Variants in ANKRD24 observed in about 807,000 individuals in gnomAD.
The protein encoded by ANKRD24 is ankyrin repeat domain-containing protein 24.
ANKRD24 carries 109 observed loss-of-function variants against 127.8 expected under a neutral mutation model. That is an observed-to-expected ratio of 0.85 (90% CI 0.73 to 1.00). ANKRD24 has a LOEUF of 1.00. Among genes scored for constraint, ANKRD24 ranks in the 50% least tolerant of loss-of-function variants. ANKRD24 has a pLI of 0.00. For missense variants in ANKRD24, 1,648 were observed against 1,570.2 expected (o/e 1.05, Z -0.84); for synonymous variants, 743 against 671.1 (o/e 1.11, Z -1.66).
Position 4,208,761 on chromosome 19 carries a change from C to T in ANKRD24, c.833-3C>T, listed in dbSNP as rs1483878032. 6.2e-7 allele frequency: 1 copy of T among 1,612,750 alleles called. No homozygotes were observed. The highest frequency in any genetic ancestry group is 8.5e-7 in the Non-Finnish European group (1 of 1,179,420). ...GCCTGACCCTGCTTCCCTCTCTCCC[C>T]AGCCCTCACAGAGGATGATTCAGGC... is the stretch of plus-strand genomic sequence containing the variant. On this transcript the variant is annotated splice_polypyrimidine_tract_variant and splice_region_variant and intron_variant, in intron 10 of 21. Coordinates refer to ENST00000318934, the MANE Select transcript of ANKRD24 (RefSeq NM_001393985.1).
At chr19:4,223,388 TATA>T (rs1970553244) in intron 20 of ANKRD24, among the ~76,000 whole-genome samples, 10 of 86,310 alleles carry the variant, frequency 1.2e-4, no homozygotes, top group African/African-American at 4.6e-4. Flanking sequence ...TATATATATA[TATA>T]TATATATATA....
At position 4,212,580 on chromosome 19, in the gene ANKRD24, G is replaced by C; in HGVS notation, c.1099-20G>C. On this transcript the variant is annotated intron_variant, in intron 14 of 21. Transcript: ENST00000318934. ...AGCCTTTCCTCCCAGAGGCAGCTGA[G>C]CCTCCACTGCTGCTCCCAGGTGCAA... is the stretch of plus-strand genomic sequence containing the variant. The C allele has an allele frequency of 6.5e-7, 1 of 1,549,370 alleles. No homozygotes were observed. The highest frequency in any genetic ancestry group is 1.2e-5 in the South Asian group (1 of 83,878).
In ANKRD24 at chr19:4,217,655, T is replaced by TGCGGGCCGAGCTGGCCCA. The variant is rs953615150; in HGVS notation, c.2501_2518dup (p.Ala834_Arg839dup). The TGCGGGCCGAGCTGGCCCA allele has an allele frequency of 4.1e-5, 53 of 1,282,466 alleles. No individual in the cohort carries two copies. Among genetic ancestry groups the TGCGGGCCGAGCTGGCCCA allele is most frequent in the Non-Finnish European group, 4.9e-5 (50 of 1,018,364 alleles). 79.4% of individuals were successfully genotyped at this position (1,282,466 alleles called of 1,614,324 possible). ...CTGGCGGAGGAGGAGGCGCGGGGCC[T>TGCGGGCCGAGCTGGCCCA]GCGGGCCGAGCTGGCCCAGCGGGAG... is the stretch of plus-strand genomic sequence containing the variant. On this transcript the variant is annotated inframe_insertion, in exon 18 of 22. Transcript: ENST00000318934.
chr19:4,210,569 TC>T (rs1969666588), intron 13 of ANKRD24, among the ~76,000 whole-genome samples, 197 bp downstream of exon 13: 1 of 107,516 alleles, frequency 9.3e-6, no homozygotes, highest in Non-Finnish European at 2.2e-5. Context: ...ACCACCAGTG[TC>T]CTCTGCCTGG....
rs58333777 is a variant in ANKRD24, at chr19:4,217,590, G to A, written c.2430G>A (p.Ala810=). ...ACTCCCGCCTGCGGGAGCTGGAGGC[G>A]GCCTCGGCCTGCCTGGATGAGGCTC... ...DRDSRLRELE[A]ASACLDEARA... The change falls in exon 18 of 22, where the codon GCG becomes GCA. Residue 810 remains alanine (A), a synonymous_variant. Coordinates refer to ENST00000318934, the MANE Select transcript of ANKRD24 (RefSeq NM_001393985.1). 0.41 allele frequency: 531,390 copies of A among 1,305,096 alleles called. 111,186 individuals carry two copies. The highest frequency in any genetic ancestry group is 0.48 in the East Asian group (14,577 of 30,418). 80.8% of individuals were successfully genotyped at this position (1,305,096 alleles called of 1,614,324 possible).
chr19:4,189,995 C>T (rs529478900), intron 2 of ANKRD24, among the ~76,000 whole-genome samples: 1 of 152,098 alleles, frequency 6.6e-6, no homozygotes, highest in Non-Finnish European at 1.5e-5. Context: ...AGGTGAAAAA[C>T]GGTCCATTAA....
chr19:4,194,989 A>T (rs1249123007), intron 2 of ANKRD24, among the ~76,000 whole-genome samples: 1 of 152,002 alleles, frequency 6.6e-6, no homozygotes. Flanking sequence ...TTTTTTTCAG[A>T]TGGAGTCTCG....
Position 4,198,028 on chromosome 19 carries a change from C to T in ANKRD24, c.37-1655C>T. 1 of 409,650 alleles carries T rather than the reference C, an allele frequency of 2.4e-6. No homozygotes were observed. 25.4% of individuals were successfully genotyped at this position (409,650 alleles called of 1,614,324 possible). A position where few individuals can be genotyped will look rare whatever the true frequency, so the allele number is the denominator to read the frequency against. ...GAATGAAAGTGTGAGTGGCGAGAGC[C>T]CTGCCGGCCGCGTGGAGGTGCGAGG... On this transcript the variant is annotated intron_variant, in intron 2 of 21. Transcript: ENST00000318934. The surrounding 1 kb of genome is among the most constrained non-coding windows in gnomAD (Gnocchi z 6.1).
In ANKRD24 at chr19:4,198,407, G is replaced by T. The variant is rs1171399498; in HGVS notation, c.37-1276G>T. ...CGGCAGCGCCCAGCCCCGCCCTCCG[G>T]CCGCTCCCCGCGGTCCCTCCAGACC... On this transcript the variant is annotated intron_variant, in intron 2 of 21. Transcript: ENST00000318934. This position sits in a 1 kb window ranked among gnomAD's most constrained non-coding sequence, Gnocchi z 6.1. The T allele has an allele frequency of 2.1e-6, 1 of 471,880 alleles. No individual in the cohort carries two copies. Among genetic ancestry groups the T allele is most frequent in the South Asian group, 3.7e-5 (1 of 27,326 alleles). The allele number at this position is 471,880 out of a possible 1,614,324, so 29.2% of individuals were successfully genotyped here.
rs1275693020 is a variant in ANKRD24 at position 4,207,795 on chromosome 19, T to C, written c.659T>C (p.Leu220Pro). ...QDLQGRTALMLACEGASPETV... is the reference protein window; with the variant it reads ...QDLQGRTALMPACEGASPETV... ...TCCCCTGGTAGGACGGCCCTGATGC[T>C]GGCCTGTGAGGGGGCCAGCCCCGAA... The change falls in exon 10 of 22, where the codon CTG becomes CCG. Residue 220 changes from leucine (L) to proline (P), a missense_variant. Coordinates refer to ENST00000318934, the MANE Select transcript of ANKRD24 (RefSeq NM_001393985.1). 6.4e-7 allele frequency: 1 copy of C among 1,572,774 alleles called. No individual in the cohort carries two copies. Among genetic ancestry groups the C allele is most frequent in the South Asian group, 1.2e-5 (1 of 86,564 alleles).
At position 4,195,400 on chromosome 19, in the gene ANKRD24, A is replaced by G. The variant is rs974037557; in HGVS notation, c.37-4283A>G. On this transcript the variant is annotated intron_variant, in intron 2 of 21. Transcript: ENST00000318934. This position sits in a 1 kb window ranked among gnomAD's most constrained non-coding sequence, Gnocchi z 4.2. ...TTTGCTCTGATCTTGTATGGCATCC[A>G]GGAGGACAAGTGTAGGAGACAGTTG... 2.0e-5 allele frequency among the ~76,000 whole-genome samples: 3 copies of G among 152,038 alleles called. No homozygotes were observed. Among genetic ancestry groups the G allele is most frequent in the Non-Finnish European group, 4.4e-5 (3 of 68,010 alleles).
intron 2 of ANKRD24, among the ~76,000 whole-genome samples, chr19:4,190,636 G>A (rs899613370): frequency 2.0e-5 from 3 of 152,048 alleles, no homozygotes; most frequent in Admixed American, 6.6e-5. Context: ...AGGAGGCTGA[G>A]GAAGGAAAAT....
chr19:4,219,855 A>G, intron 19 of ANKRD24, 97 bp downstream of exon 19: 1 of 1,347,466 alleles, frequency 7.4e-7, no homozygotes, highest in Non-Finnish European at 9.8e-7. Context: ...GCCTTGGAAA[A>G]TCAACCCATT....
At chr19:4,192,788 T>C (rs1368444049) in intron 2 of ANKRD24, among the ~76,000 whole-genome samples, 1 of 148,726 alleles carries the variant, frequency 6.7e-6, no homozygotes, top group Non-Finnish European at 1.5e-5. Context: ...CAAAAATTAG[T>C]TGGGTATGGT....
At chr19:4,211,950 C>T (rs1969764687) in intron 13 of ANKRD24, among the ~76,000 whole-genome samples, 1 of 152,110 alleles carries the variant, frequency 6.6e-6, no homozygotes, top group African/African-American at 2.4e-5. Flanking sequence ...CCTGTAATCC[C>T]AGCATTTTGG....
At chr19:4,193,577 C>T (rs190160764) in intron 2 of ANKRD24, among the ~76,000 whole-genome samples, 1 of 151,858 alleles carries the variant, frequency 6.6e-6, no homozygotes, top group Non-Finnish European at 1.5e-5. Flanking sequence ...GTGGCTCATG[C>T]CTGTAATCCC....
chr19:4,216,990 G>T lies in ANKRD24; in HGVS notation c.1830G>T (p.Glu610Asp), dbSNP rs1305487127. ...CAGGGGCTGAGGTCAGAGAAATGGA[G>T]ACCACAGAAGAAGAAGCAAACATGG... ...KPTGAEVREMETTEEEANMET... is the reference protein window; with the variant it reads ...KPTGAEVREMDTTEEEANMET... The change falls in exon 18 of 22, where the codon GAG becomes GAT. Residue 610 changes from glutamate (E) to aspartate (D), a missense_variant. Coordinates refer to ENST00000318934, the MANE Select transcript of ANKRD24 (RefSeq NM_001393985.1). The T allele has an allele frequency of 6.2e-7, 1 of 1,613,406 alleles. No individual in the cohort carries two copies.
chr19:4,213,235 CTCCCTCCTTCCTTCCT>C (rs1969852666), intron 15 of ANKRD24, among the ~76,000 whole-genome samples: 1 of 93,694 alleles, frequency 1.1e-5, no homozygotes, highest in African/African-American at 4.3e-5. Context: ...CCTTCCTTCC[CTCCCTCCTTCCTTCCT>C]TTCCTTCTTT....
chr19:4,224,129 A>G lies in ANKRD24; in HGVS notation c.3300A>G (p.Glu1100=), dbSNP rs920515566. 5.0e-6 allele frequency: 8 copies of G among 1,612,520 alleles called. No individual in the cohort carries two copies. ...GCGCCCCTTCCTCATGCCCACAGGA[A>G]GCTGCCAGGGACCACTCCAGCGTGG... ...QVKDLQQQLQ[E]AARDHSSVVA... The change falls in exon 21 of 22, where the codon GAA becomes GAG. Residue 1100 remains glutamate (E), a splice_region_variant and synonymous_variant. Transcript: ENST00000318934.
Sources: gnomAD v4.1 joint callset for allele counts (sites outside exome capture counted in the v4.1 genomes callset) on GRCh38, gnomAD v4.1.1 for gene constraint, Gnocchi (gnomAD v3.1) non-coding constraint, MANE v1.5 for transcripts, NCBI Gene and HGNC (gene_info 2026-07-23, HGNC 2026-07-21) for gene names.